TRIP12: variants seen among roughly 807,000 people sequenced by gnomAD.
TRIP12 encodes the protein thyroid hormone receptor interactor 12.
TRIP12 carries 25 observed loss-of-function variants against 244.2 expected under a neutral mutation model. The ratio of observed to expected loss-of-function variants is 0.10; its 90% confidence interval spans 0.07 to 0.14. TRIP12 has a LOEUF of 0.14. Among genes scored for constraint, TRIP12 ranks in the 10% least tolerant of loss-of-function variants. The probability of loss-of-function intolerance (pLI) is 1.00; values close to 1 mark genes in which losing one functional copy is unlikely to be tolerated. For synonymous variants in TRIP12, 905 were observed against 873.1 expected, an observed-to-expected ratio of 1.04 and a Z score of -0.64; for missense variants, 1,677 against 2,486.4, an observed-to-expected ratio of 0.67 and a Z score of 6.92.
At chr2:229,861,029 A>G (rs1268321743) in intron 2 of TRIP12, among the ~76,000 whole-genome samples, 1 of 152,208 alleles carries the variant, frequency 6.6e-6, no homozygotes, top group Non-Finnish European at 1.5e-5. Context: ...AGACGAACCA[A>G]TTCTCAAACT....
At chr2:229,881,005 A>G (rs112037383) in intron 1 of TRIP12, among the ~76,000 whole-genome samples, 5 of 152,188 alleles carry the variant, frequency 3.3e-5, no homozygotes, top group African/African-American at 9.7e-5. Flanking sequence ...GATGAGGAGA[A>G]AACAGCTCAA....
At chr2:229,904,416 C>CAAAA (rs34224407) in intron 1 of TRIP12, among the ~76,000 whole-genome samples, 10 of 87,544 alleles carry the variant, frequency 1.1e-4, no homozygotes, top group South Asian at 4.1e-4. Context: ...ACTCCATCTC[C>CAAAA]AAAAAAAAAA....
intron 7 of TRIP12, among the ~76,000 whole-genome samples, chr2:229,829,714 C>G (rs912978644): frequency 1.3e-5 from 2 of 152,050 alleles, no homozygotes; most frequent in African/African-American, 4.8e-5. Context: ...TTTGGGAGGC[C>G]GAGACGGGAG....
At chr2:229,851,067 A>G (rs551513754) in intron 4 of TRIP12, among the ~76,000 whole-genome samples, 2 of 152,192 alleles carry the variant, frequency 1.3e-5, no homozygotes, top group Non-Finnish European at 2.9e-5. Context: ...CAGGGCACCC[A>G]GTACCATCGA....
intron 34 of TRIP12, among the ~76,000 whole-genome samples, chr2:229,780,417 T>TATCC (rs2037722469): frequency 6.6e-6 from 1 of 152,238 alleles, no homozygotes. Flanking sequence ...CGACATCTTG[T>TATCC]ATCCCATTCT....
rs745544053 is a variant in TRIP12 at position 229,771,005 on chromosome 2, C to T, written c.5808+514G>A. ...CAGCATGAAAACAGACTAATACAGG[C>T]GGCTAGAGAAAACCAAGCACATAAA... is the stretch of plus-strand genomic sequence containing the variant. On this transcript the variant is annotated intron_variant, in intron 39 of 41. Transcript: ENST00000675903. Among the ~76,000 whole-genome samples the T allele has an allele frequency of 9.6e-4, 146 of 152,174 alleles. 1 individual carries two copies. Among genetic ancestry groups the T allele is most frequent in the Non-Finnish European group, 1.5e-3 (101 of 68,026 alleles).
At chr2:229,772,097 G>A (rs1170771984) in intron 38 of TRIP12, among the ~76,000 whole-genome samples, 1 of 152,192 alleles carries the variant, frequency 6.6e-6, no homozygotes, top group Non-Finnish European at 1.5e-5. Flanking sequence ...TCTGCAGTGT[G>A]TGCTTCCTAC....
At chr2:229,878,007 C>G (rs1172726467) in intron 2 of TRIP12, among the ~76,000 whole-genome samples, 1 of 152,152 alleles carries the variant, frequency 6.6e-6, no homozygotes, top group Non-Finnish European at 1.5e-5. Context: ...GCTCTATATA[C>G]TAAGTATAAG....
intron 6 of TRIP12, among the ~76,000 whole-genome samples, chr2:229,832,797 T>C (rs1188059457): frequency 6.6e-6 from 1 of 152,234 alleles, no homozygotes; most frequent in East Asian, 1.9e-4. Context: ...GATTTTTAAT[T>C]CAAATACAGT....
At chr2:229,835,566 TC>T (rs1426245465) in intron 6 of TRIP12, among the ~76,000 whole-genome samples, 1 of 152,228 alleles carries the variant, frequency 6.6e-6, no homozygotes, top group African/African-American at 2.4e-5. Context: ...CCGTTTTTCC[TC>T]ACTTAAAAAA....
At position 229,791,248 on chromosome 2, in the gene TRIP12, A is replaced by G; in HGVS notation, c.4419T>C (p.Tyr1473=). The part of the protein sequence containing the change: ...GIWTKTHTIW[Y]KPVREDEESN... ...TTTCTTCATCCTCTCTCACAGGTTTATACCTAAAATGACAAGACAGTATAT... is the reference window on the plus strand; with the variant it reads ...TTTCTTCATCCTCTCTCACAGGTTTGTACCTAAAATGACAAGACAGTATAT... The change falls in exon 30 of 42, where the codon TAT becomes TAC. Residue 1473 remains tyrosine, a synonymous_variant. Transcript: ENST00000675903. The G allele has an allele frequency of 1.9e-6, 3 of 1,614,024 alleles. No homozygotes were observed. Among genetic ancestry groups the G allele is most frequent in the South Asian group, 1.1e-5 (1 of 91,072 alleles).
chr2:229,820,633 T>C (rs1185411496), intron 8 of TRIP12, among the ~76,000 whole-genome samples: 1 of 152,182 alleles, frequency 6.6e-6, no homozygotes, highest in African/African-American at 2.4e-5. Context: ...AAGACCTTAT[T>C]TTCCAAAACA....
chr2:229,882,007 A>C (rs1009792773), intron 1 of TRIP12, among the ~76,000 whole-genome samples: 10 of 152,234 alleles, frequency 6.6e-5, no homozygotes, highest in Non-Finnish European at 1.3e-4. Flanking sequence ...CTCTCAAGTC[A>C]AACTGTCTCT....
chr2:229,853,794 ATCTT>A (rs2059142456), intron 4 of TRIP12, among the ~76,000 whole-genome samples: 1 of 152,168 alleles, frequency 6.6e-6, no homozygotes, highest in African/African-American at 2.4e-5. Context: ...AACTTTGAAA[ATCTT>A]TCATTTATGC....
Position 229,814,262 on chromosome 2 carries a change from G to T in TRIP12, c.1795C>A (p.Arg599=). The change falls in exon 12 of 42, where the codon CGG becomes AGG. Residue 599 remains arginine, a synonymous_variant. Transcript: ENST00000675903. ...QALTALEMLS[R]RHSKAILQAG... is the part of the protein sequence containing the mutation. ...TGTAGAATGGCTTTACTATGTCTCC[G>T]TGACAACATCTCCAAGGCAGTCAAG... 6.2e-7 allele frequency: 1 copy of T among 1,614,096 alleles called. No homozygotes were observed.
chr2:229,791,425 TC>T (rs1179283082), intron 29 of TRIP12, among the ~76,000 whole-genome samples, 174 bp from the exon 30 acceptor site: 1 of 152,214 alleles, frequency 6.6e-6, no homozygotes, highest in Non-Finnish European at 1.5e-5. Context: ...GAGACCACCT[TC>T]CCAGGAGGGG....
At chr2:229,897,003 CTG>C (rs1454390876) in intron 1 of TRIP12, among the ~76,000 whole-genome samples, 1 of 152,178 alleles carries the variant, frequency 6.6e-6, no homozygotes, top group Non-Finnish European at 1.5e-5. Context: ...GGTTCACTGA[CTG>C]TAACAAATGT....
At chr2:229,806,038 T>C (rs2045797112) in intron 17 of TRIP12, 155 bp from the exon 18 acceptor site, 2 of 542,356 alleles carry the variant, frequency 3.7e-6, no homozygotes, top group Admixed American at 3.3e-5. Flanking sequence ...AGTGTAGATA[T>C]GACAAAACTC....
At chr2:229,844,065 T>C (rs375847555) in intron 4 of TRIP12, among the ~76,000 whole-genome samples, 10 of 152,304 alleles carry the variant, frequency 6.6e-5, no homozygotes, top group African/African-American at 2.2e-4. Context: ...ACTGTATGTA[T>C]CCAGTTGCAA....
Sources: allele counts gnomAD v4.1 joint callset (sites outside exome capture counted in the v4.1 genomes callset), GRCh38; gene constraint gnomAD v4.1.1; transcripts MANE v1.5; gene names NCBI Gene and HGNC (gene_info 2026-07-23, HGNC 2026-07-21).